The following PCDH9 variants were observed in gnomAD, a reference collection of about 807,000 sequenced individuals.
PCDH9 encodes the protein protocadherin-9.
A neutral mutation model predicts 70.6 loss-of-function variants in PCDH9; 24 were observed. The ratio of observed to expected loss-of-function variants is 0.34; its 90% CI spans 0.25 to 0.48. PCDH9 has a LOEUF of 0.48. Among genes scored for constraint, PCDH9 ranks in the 20% least tolerant of loss-of-function variants. The pLI is 0.99. For synonymous variants in PCDH9, 562 were observed against 558.5 expected (o/e 1.01, Z -0.09); for missense variants, 1,281 against 1,503.6 (o/e 0.85, Z 2.45).
At chr13:66,818,929 C>G (rs1213971428) in intron 3 of PCDH9, among the ~76,000 whole-genome samples, 1 of 89,440 alleles carries the variant, frequency 1.1e-5, no homozygotes, top group Non-Finnish European at 2.3e-5. Flanking sequence ...GCTAGACTCC[C>G]GTCTCAAAAA....
intron 4 of PCDH9, among the ~76,000 whole-genome samples, chr13:66,307,733 A>G (rs1346913611): frequency 6.6e-6 from 1 of 152,070 alleles, no homozygotes; most frequent in East Asian, 1.9e-4. Flanking sequence ...CTCATCAAAA[A>G]AGAGAGGATG....
intron 3 of PCDH9, among the ~76,000 whole-genome samples, chr13:66,815,160 T>A (rs765772302): frequency 3.9e-5 from 6 of 152,080 alleles, no homozygotes; most frequent in African/African-American, 1.4e-4. Flanking sequence ...CCAACAAGCA[T>A]ATGAAAAAAC....
At chr13:66,654,043 C>T (rs2077891999) in intron 3 of PCDH9, among the ~76,000 whole-genome samples, 1 of 151,128 alleles carries the variant, frequency 6.6e-6, no homozygotes, top group Admixed American at 6.6e-5. Context: ...TATTGCAGCA[C>T]TATTCACAAT....
At chr13:67,028,508 T>C (rs920208453) in intron 2 of PCDH9, among the ~76,000 whole-genome samples, 1 of 151,804 alleles carries the variant, frequency 6.6e-6, no homozygotes, top group Non-Finnish European at 1.5e-5. Context: ...GCATGGCACA[T>C]GTACACATAT....
chr13:66,740,636 C>G (rs937331620), intron 3 of PCDH9, among the ~76,000 whole-genome samples: 1 of 149,934 alleles, frequency 6.7e-6, no homozygotes, highest in Admixed American at 6.6e-5. Context: ...CAAATAGACA[C>G]AATAAAAAAT....
At chr13:66,462,309 A>G (rs1298167197) in intron 4 of PCDH9, among the ~76,000 whole-genome samples, 5 of 151,938 alleles carry the variant, frequency 3.3e-5, no homozygotes, top group Non-Finnish European at 7.4e-5. Flanking sequence ...AGAAGAGTTA[A>G]TGCATATTTT....
At chr13:66,334,986 G>T (rs1956011818) in intron 4 of PCDH9, among the ~76,000 whole-genome samples, 1 of 151,784 alleles carries the variant, frequency 6.6e-6, no homozygotes, top group Admixed American at 6.6e-5. Flanking sequence ...TATTCAATAG[G>T]TGATGAAAGA....
At chr13:66,678,266 T>C (rs555331654) in intron 3 of PCDH9, among the ~76,000 whole-genome samples, 3 of 152,046 alleles carry the variant, frequency 2.0e-5, no homozygotes, top group African/African-American at 2.4e-5. Flanking sequence ...CATGGAAAAT[T>C]GTAATAAATA....
intron 2 of PCDH9, among the ~76,000 whole-genome samples, chr13:66,931,506 T>C (rs949708700): frequency 9.2e-5 from 14 of 152,074 alleles, no homozygotes. Context: ...GTGAATGTGA[T>C]TGATGTAGGA....
chr13:66,378,232 A>T (rs1956784446), intron 4 of PCDH9, among the ~76,000 whole-genome samples: 1 of 152,204 alleles, frequency 6.6e-6, no homozygotes, highest in Non-Finnish European at 1.5e-5. Context: ...AATTATTTTC[A>T]TTCAACCTTT....
At chr13:67,198,932 T>C (rs2089142744) in intron 2 of PCDH9, among the ~76,000 whole-genome samples, 1 of 151,784 alleles carries the variant, frequency 6.6e-6, no homozygotes, top group African/African-American at 2.4e-5. Flanking sequence ...AAAGAATACT[T>C]ATTAATGTTA....
chr13:66,906,520 T>C (rs1438087465), intron 2 of PCDH9, among the ~76,000 whole-genome samples: 1 of 152,142 alleles, frequency 6.6e-6, no homozygotes, highest in Non-Finnish European at 1.5e-5. Flanking sequence ...CATAACAAAA[T>C]GAGCGCATTT....
chr13:66,326,427 A>T (rs1180063836), intron 4 of PCDH9, among the ~76,000 whole-genome samples: 3 of 149,980 alleles, frequency 2.0e-5, no homozygotes, highest in Non-Finnish European at 3.0e-5. Context: ...CGAAAACAAT[A>T]AAAAAAAACA....
At chr13:66,364,013 G>A (rs1956513653) in intron 4 of PCDH9, among the ~76,000 whole-genome samples, 1 of 151,898 alleles carries the variant, frequency 6.6e-6, no homozygotes, top group African/African-American at 2.4e-5. Context: ...AAATTAGCCG[G>A]GTATGTTGGC....
chr13:66,512,331 C>T (rs1211262345), intron 4 of PCDH9, among the ~76,000 whole-genome samples: 1 of 149,348 alleles, frequency 6.7e-6, no homozygotes, highest in African/African-American at 2.5e-5. Context: ...GAGAAGCGAG[C>T]TATTAACTAT....
intron 4 of PCDH9, among the ~76,000 whole-genome samples, chr13:66,353,158 A>G (rs1328570991): frequency 3.9e-5 from 6 of 152,188 alleles, no homozygotes; most frequent in Admixed American, 2.6e-4. Flanking sequence ...TGATCTAAGT[A>G]TAGTTTCCTT....
intron 3 of PCDH9, among the ~76,000 whole-genome samples, chr13:66,887,241 G>A (rs1484243591): frequency 6.6e-6 from 1 of 151,876 alleles, no homozygotes; most frequent in East Asian, 1.9e-4. Flanking sequence ...AAGCTGAGCA[G>A]CTTCAGTATC....
chr13:66,367,267 T>C (rs1377897315), intron 4 of PCDH9, among the ~76,000 whole-genome samples: 2 of 152,086 alleles, frequency 1.3e-5, no homozygotes, highest in African/African-American at 4.8e-5. Context: ...AAATAACTAA[T>C]AGGGAGAGTC....
At chr13:66,829,009 TTTTTTTG>T (rs1468243277) in intron 3 of PCDH9, among the ~76,000 whole-genome samples, 14 of 64,696 alleles carry the variant, frequency 2.2e-4, no homozygotes, top group South Asian at 9.4e-4. Context: ...TCTGTGGGTC[TTTTTTTG>T]TTTTTTTGTT....
Sources: gnomAD v4.1 joint callset for allele counts (sites outside exome capture counted in the v4.1 genomes callset) on GRCh38, gnomAD v4.1.1 for gene constraint, MANE v1.5 for transcripts, NCBI Gene and HGNC (gene_info 2026-07-23, HGNC 2026-07-21) for gene names.